SETDB1: variants seen among roughly 807,000 people sequenced by gnomAD.
SETDB1 encodes the protein histone-lysine N-methyltransferase SETDB1.
A neutral mutation model predicts 137.4 loss-of-function variants in SETDB1; 31 were observed. The ratio of observed to expected loss-of-function variants is 0.23; its 90% CI spans 0.17 to 0.30. SETDB1 has a LOEUF of 0.30. SETDB1 is among the 10% of genes least tolerant of loss of function. SETDB1 has a pLI of 1.00. For synonymous variants in SETDB1, 548 were observed against 579.9 expected, an observed-to-expected ratio of 0.95 and a Z score of 0.79; for missense variants, 1,113 against 1,631.5, an observed-to-expected ratio of 0.68 and a Z score of 5.47.
At chr1:150,947,048 C>T (rs1670353383) in intron 10 of SETDB1, 36 bp downstream of exon 10, 1 of 1,611,602 alleles carries the variant, frequency 6.2e-7, no homozygotes, top group African/African-American at 1.3e-5. Context: ...AAGGAAGAAA[C>T]AGGCCAACCA....
At position 150,927,772 on chromosome 1, in the gene SETDB1, G is replaced by A. The variant is rs1246545310; in HGVS notation, c.58G>A (p.Glu20Lys). The A allele has an allele frequency of 6.2e-7, 1 of 1,614,196 alleles. No homozygotes were observed. The highest frequency in any genetic ancestry group is 8.5e-7 in the Non-Finnish European group (1 of 1,180,032). The change falls in exon 2 of 22, where the codon GAA becomes AAA. Residue 20 changes from glutamate to lysine, a missense_variant. By Grantham distance (56) the Glu-to-Lys change is moderately conservative (BLOSUM62 1). Around this residue, in one of 11 missense-constraint regions of SETDB1, gnomAD observed 32 missense variants for 26.3 expected, o/e 1.22. Coordinates refer to ENST00000692827, the MANE Select transcript of SETDB1 (RefSeq NM_001366418.1). ...LDAATATVES[E>K]EIAELQQAVV... ...TGCAGCAACAGCTACAGTGGAGTCTGAAGAGATTGCAGAGCTGCAACAGGC... is the reference window on the plus strand; with the variant it reads ...TGCAGCAACAGCTACAGTGGAGTCTAAAGAGATTGCAGAGCTGCAACAGGC...
chr1:150,929,794 T>C (rs113331609), intron 2 of SETDB1, among the ~76,000 whole-genome samples, 173 bp from the exon 3 acceptor site: 187 of 152,302 alleles, frequency 1.2e-3, no homozygotes, highest in African/African-American at 4.3e-3. Flanking sequence ...AACCACTATT[T>C]AAAACATTTT....
chr1:150,941,411 C>G lies in SETDB1; in HGVS notation c.530C>G (p.Ser177Cys). 1.2e-6 allele frequency: 2 copies of G among 1,609,032 alleles called. No individual in the cohort carries two copies. Among genetic ancestry groups the G allele is most frequent in the Non-Finnish European group, 1.7e-6 (2 of 1,175,440 alleles). The change falls in exon 5 of 22, where the codon TCC becomes TGC. Residue 177 changes from serine (S) to cysteine (C), a missense_variant. By Grantham distance (112) the Ser-to-Cys change is moderately radical. Transcript: ENST00000692827. ...GATGCTGTCAACAAGAAGAGCAGTT[C>G]CCAGGATCTGCATAAAGGTTAGGGT... Reference protein sequence around the residue: ...FMDAVNKKSSSQDLHKGTLSQ... With the variant: ...FMDAVNKKSSCQDLHKGTLSQ...
rs371859043 is a variant in SETDB1, at chr1:150,959,218, A to G, written c.2374A>G (p.Met792Val). The G allele has an allele frequency of 3.6e-5, 58 of 1,597,444 alleles. No individual in the cohort carries two copies. The highest frequency in any genetic ancestry group is 4.3e-5 in the Non-Finnish European group (50 of 1,175,000). ...CAAACGCTGCAAATGTGACCCAAAC[A>G]TGTGCACAAACCGGTTGGTGCAACA... ...CNKRCKCDPN[M>V]CTNRLVQHGL... The change falls in exon 15 of 22, where the codon ATG (methionine) becomes GTG (valine). Residue 792 changes from methionine (M) to valine (V), a missense_variant. Physicochemically the swap from Met to Val is conservative, Grantham distance 21. Coordinates refer to ENST00000692827, the MANE Select transcript of SETDB1 (RefSeq NM_001366418.1).
intron 3 of SETDB1, among the ~76,000 whole-genome samples, chr1:150,934,477 A>AAT (rs1014546024): frequency 1.9e-4 from 29 of 151,876 alleles, no homozygotes; most frequent in African/African-American, 4.3e-4. Context: ...CATCTCAAAA[A>AAT]ATATATATAT....
intron 15 of SETDB1, 59 bp from the exon 16 acceptor site, chr1:150,960,504 A>AC (rs1670787477): frequency 2.7e-6 from 4 of 1,471,600 alleles, no homozygotes; most frequent in Admixed American, 2.3e-5. Context: ...AAGCAAACAA[A>AC]AAAAAAAACT....
At chr1:150,929,223 G>A (rs1475609606) in intron 2 of SETDB1, among the ~76,000 whole-genome samples, 1 of 152,038 alleles carries the variant, frequency 6.6e-6, no homozygotes, top group African/African-American at 2.4e-5. Flanking sequence ...GTGTAAAAGT[G>A]TTCCTGTTTC....
At chr1:150,953,522 ATC>A (rs1447997942) in intron 14 of SETDB1, among the ~76,000 whole-genome samples, 8 of 132,082 alleles carry the variant, frequency 6.1e-5, no homozygotes, top group African/African-American at 1.9e-4. Context: ...GCAAAATTCT[ATC>A]TCAAAAAAAA....
At chr1:150,927,003 C>T (rs954450475) in intron 1 of SETDB1, among the ~76,000 whole-genome samples, 1 of 152,128 alleles carries the variant, frequency 6.6e-6, no homozygotes, top group African/African-American at 2.4e-5. Context: ...AACTCCATCC[C>T]CAGGTGGGGT....
intron 3 of SETDB1, among the ~76,000 whole-genome samples, chr1:150,934,468 A>G (rs1050049646): frequency 1.3e-5 from 2 of 152,050 alleles, no homozygotes; most frequent in African/African-American, 2.4e-5. Context: ...GCGAGACTCC[A>G]TCTCAAAAAA....
In SETDB1 at chr1:150,951,013, C is replaced by G; in HGVS notation, c.2139C>G (p.Ile713Met). 6.2e-7 allele frequency: 1 copy of G among 1,614,154 alleles called. No individual in the cohort carries two copies. Among genetic ancestry groups the G allele is most frequent in the Non-Finnish European group, 8.5e-7 (1 of 1,180,016 alleles). ...AGGTGGCCTACAGCAAGGAACGTATCCCGGGCAAGGGTGTTTTCATTAACA... is the reference window on the plus strand; with the variant it reads ...AGGTGGCCTACAGCAAGGAACGTATGCCGGGCAAGGGTGTTTTCATTAACA... Reference protein sequence around the residue: ...PPQVAYSKERIPGKGVFINTG... With the variant: ...PPQVAYSKERMPGKGVFINTG... Residue 713 changes from isoleucine to methionine, a missense_variant, in exon 13 of 22, where the codon ATC (isoleucine) becomes ATG (methionine). This residue lies in a region of SETDB1 where 81 missense variants were observed against 123.4 expected (regional missense o/e 0.66). Coordinates refer to ENST00000692827, the MANE Select transcript of SETDB1 (RefSeq NM_001366418.1).
At chr1:150,926,861 C>G (rs751477957) in intron 1 of SETDB1, 13 of 532,598 alleles carry the variant, frequency 2.4e-5, no homozygotes, top group Non-Finnish European at 3.8e-5. Flanking sequence ...TTGGGGGAAA[C>G]CTTTTTGCTG....
At chr1:150,944,869 C>A (rs756342951) in intron 8 of SETDB1, 49 bp from the exon 9 acceptor site, 19 of 1,598,874 alleles carry the variant, frequency 1.2e-5, no homozygotes, top group African/African-American at 2.7e-5. Context: ...TTTTCCCTAT[C>A]AAGACATGCC....
chr1:150,944,986 T>C lies in SETDB1; in HGVS notation c.1018T>C (p.Tyr340His). 1.2e-6 allele frequency: 2 copies of C among 1,614,128 alleles called. No individual in the cohort carries two copies. Among genetic ancestry groups the C allele is most frequent in the Non-Finnish European group, 1.7e-6 (2 of 1,180,010 alleles). The change falls in exon 9 of 22, where the codon TAC becomes CAC. Residue 340 changes from tyrosine to histidine, a missense_variant. Coordinates refer to ENST00000692827, the MANE Select transcript of SETDB1 (RefSeq NM_001366418.1). ...CTTCATAGAGGAGTATGTCACTGCC[T>C]ACCCCAACCGCCCCATGGTACTGCT... ...RDFIEEYVTAYPNRPMVLLKS... is the reference protein window; with the variant it reads ...RDFIEEYVTAHPNRPMVLLKS...
At chr1:150,945,196 C>A in intron 9 of SETDB1, 88 bp downstream of exon 9, 1 of 1,565,360 alleles carries the variant, frequency 6.4e-7, no homozygotes, top group South Asian at 1.2e-5. Context: ...ATAGCTATTC[C>A]ATAGCCTTCC....
chr1:150,958,399 A>G lies in SETDB1; in HGVS notation c.2334-779A>G, dbSNP rs1670720765. 2.0e-5 allele frequency among the ~76,000 whole-genome samples: 3 copies of G among 151,484 alleles called. No homozygotes were observed. In the South Asian group the frequency reaches 6.3e-4, roughly 32 times the overall value. Reference sequence around the variant, plus strand: ...CCCAAGTAGCTGGGACTACAGATGCATGCCACCACACCCGGCTAATTTTTT... The same window carrying G: ...CCCAAGTAGCTGGGACTACAGATGCGTGCCACCACACCCGGCTAATTTTTT... On this transcript the variant is annotated intron_variant, in intron 14 of 21. Coordinates refer to ENST00000692827, the MANE Select transcript of SETDB1 (RefSeq NM_001366418.1).
At chr1:150,956,714 C>T (rs999531703) in intron 14 of SETDB1, among the ~76,000 whole-genome samples, 2 of 151,910 alleles carry the variant, frequency 1.3e-5, no homozygotes, top group African/African-American at 2.4e-5. Flanking sequence ...CTTTTATTTC[C>T]CCCTACCCAC....
At chr1:150,929,253 CTGT>C (rs1168170129) in intron 2 of SETDB1, among the ~76,000 whole-genome samples, 1 of 152,206 alleles carries the variant, frequency 6.6e-6, no homozygotes, top group Non-Finnish European at 1.5e-5. Context: ...TCTCCAGCAC[CTGT>C]TGTTTCCTGA....
chr1:150,963,887 A>G (rs762107850), intron 20 of SETDB1, 108 bp from the exon 21 acceptor site: 11 of 1,284,066 alleles, frequency 8.6e-6, no homozygotes, highest in African/African-American at 7.3e-5. Context: ...AGCATCTATT[A>G]TAATGGGGAG....
Sources: gnomAD v4.1 joint callset for allele counts (sites outside exome capture counted in the v4.1 genomes callset) on GRCh38, gnomAD v4.1.1 for gene constraint, gnomAD v4.1.1 regional missense constraint, MANE v1.5 for transcripts, NCBI Gene and HGNC (gene_info 2026-07-23, HGNC 2026-07-21) for gene names.